The following CACNA1A variants were observed in gnomAD, a reference collection of about 807,000 sequenced individuals.
CACNA1A encodes voltage-dependent P/Q-type calcium channel subunit alpha-1A.
Under a neutral mutation model 262.4 loss-of-function variants are expected in CACNA1A, and 57 were observed. The observed-to-expected ratio is 0.22, with a 90% CI of 0.18 to 0.27. The LOEUF (loss-of-function observed/expected upper bound fraction) is 0.27, where lower values mean the gene tolerates loss of function less well. Among genes scored for constraint, CACNA1A ranks in the 10% least tolerant of loss-of-function variants. The pLI is 1.00. For missense variants in CACNA1A, 2,526 were observed against 3,562.8 expected, an observed-to-expected ratio of 0.71 and a Z score of 7.41; for synonymous variants, 1,431 against 1,419.3, an observed-to-expected ratio of 1.01 and a Z score of -0.18.
At chr19:13,457,988 C>T (rs906975202) in intron 1 of CACNA1A, among the ~76,000 whole-genome samples, 14 of 151,972 alleles carry the variant, frequency 9.2e-5, no homozygotes, top group Admixed American at 2.0e-4. Flanking sequence ...TGAAATATCC[C>T]GAACAGGCAA....
chr19:13,329,783 C>CT (rs148916478), intron 10 of CACNA1A, among the ~76,000 whole-genome samples: 1,596 of 138,950 alleles, frequency 0.011, 19 homozygotes, highest in Middle Eastern at 0.02. Flanking sequence ...CAGTTTGTGT[C>CT]TTTTTTTTTT....
intron 10 of CACNA1A, among the ~76,000 whole-genome samples, chr19:13,320,395 C>A (rs1443054810): frequency 6.6e-6 from 1 of 152,162 alleles, no homozygotes; most frequent in Admixed American, 6.6e-5. Context: ...TGGAGACAAC[C>A]ACACTTCCTA....
chr19:13,210,983 C>T (rs1390779718), intron 43 of CACNA1A: 6 of 409,068 alleles, frequency 1.5e-5, no homozygotes, highest in African/African-American at 6.0e-5. Flanking sequence ...TGGGCTCTGC[C>T]TCATGCGATG....
At chr19:13,453,111 T>G (rs2060944848) in intron 2 of CACNA1A, 96 bp from the exon 3 acceptor site, 2 of 1,283,118 alleles carry the variant, frequency 1.6e-6, no homozygotes, top group East Asian at 4.6e-5. Context: ...CCTATCACCC[T>G]CTCACTTCCC....
intron 44 of CACNA1A, among the ~76,000 whole-genome samples, chr19:13,209,933 GCCT>G (rs1228659426): frequency 6.6e-6 from 1 of 152,198 alleles, no homozygotes; most frequent in Admixed American, 6.5e-5. Context: ...AGGGTGAGAA[GCCT>G]CCGACTGTGG....
In CACNA1A at chr19:13,262,720, T is replaced by C; in HGVS notation, c.4089+14A>G. 6.6e-7 allele frequency: 1 copy of C among 1,517,976 alleles called. No homozygotes were observed. Among genetic ancestry groups the C allele is most frequent in the Non-Finnish European group, 9.1e-7 (1 of 1,094,976 alleles). 94.0% of individuals were successfully genotyped at this position (1,517,976 alleles called of 1,614,324 possible). A position where few individuals can be genotyped will look rare whatever the true frequency, so the allele number is the denominator to read the frequency against. ...CAGTCCCCCCCACCGCACCCCACCA[T>C]CTCCCAATCTCACCTTGAGCTTTGG... is the stretch of plus-strand genomic sequence containing the variant. On this transcript the variant is annotated intron_variant, in intron 25 of 46. Coordinates refer to ENST00000360228, the MANE Select transcript of CACNA1A (RefSeq NM_001127222.2).
At chr19:13,476,968 C>T (rs930998428) in intron 1 of CACNA1A, among the ~76,000 whole-genome samples, 1 of 152,104 alleles carries the variant, frequency 6.6e-6, no homozygotes, top group Non-Finnish European at 1.5e-5. Context: ...GCTCAAAAGC[C>T]CTCCGTGGCT....
chr19:13,299,434 T>C, intron 18 of CACNA1A, 81 bp from the exon 19 acceptor site: 1 of 1,163,894 alleles, frequency 8.6e-7, no homozygotes, highest in Non-Finnish European at 1.3e-6. Context: ...CCAACCCACA[T>C]CTCAGCCTCC....
chr19:13,207,602 CG>C lies in CACNA1A; in HGVS notation c.7231del (p.Arg2411GlyfsTer197). On this transcript the variant is annotated frameshift_variant, in exon 47 of 47. Transcript: ENST00000360228. LOFTEE classifies it high-confidence loss of function. This position sits in a 1 kb window ranked among gnomAD's most constrained non-coding sequence, Gnocchi z 5.7. Reference protein sequence around the residue: ...PPGPRHHGYYRGSDYDEADGP... With the variant: ...PPGPRHHGYYXGSDYDEADGP... ...ATCGGCCTCGTCGTAGTCGGAGCCC[CG>C]GTAGTAGCCATGGTGCCGGGGACCC... 1 of 1,482,114 alleles carries C rather than the reference CG, an allele frequency of 6.7e-7. No individual in the cohort carries two copies. Among genetic ancestry groups the C allele is most frequent in the Non-Finnish European group, 9.0e-7 (1 of 1,116,534 alleles). The allele number at this position is 1,482,114 out of a possible 1,614,324, so 91.8% of individuals were successfully genotyped here.
chr19:13,269,744 A>G (rs754112984), intron 24 of CACNA1A, among the ~76,000 whole-genome samples: 56 of 152,230 alleles, frequency 3.7e-4, no homozygotes, highest in Non-Finnish European at 7.2e-4. Flanking sequence ...TGGTAGACGC[A>G]TGGATACAAG....
chr19:13,309,194 G>A (rs2057966577), intron 12 of CACNA1A, among the ~76,000 whole-genome samples: 1 of 151,856 alleles, frequency 6.6e-6, no homozygotes, highest in South Asian at 2.1e-4. Context: ...ATTTTTAGTA[G>A]AGACGGGGTT....
At chr19:13,296,912 A>C (rs998466610) in intron 19 of CACNA1A, among the ~76,000 whole-genome samples, 2 of 151,924 alleles carry the variant, frequency 1.3e-5, no homozygotes, top group Non-Finnish European at 2.9e-5. Flanking sequence ...GGTGCATGCC[A>C]CCACATCTGT....
Position 13,482,286 on chromosome 19 carries a change from C to T in CACNA1A, c.293+23646G>A, listed in dbSNP as rs145985873. ...GGATCACGAGGTCAGGAGATCGAGACCATCCTGGCTAGCAGTGAAACCCCG... is the reference window on the plus strand; with the variant it reads ...GGATCACGAGGTCAGGAGATCGAGATCATCCTGGCTAGCAGTGAAACCCCG... On this transcript the variant is annotated intron_variant, in intron 1 of 46. Coordinates refer to ENST00000360228, the MANE Select transcript of CACNA1A (RefSeq NM_001127222.2). 1.9e-3 allele frequency among the ~76,000 whole-genome samples: 281 copies of T among 151,868 alleles called. 4 individuals carry two copies. The highest frequency in any genetic ancestry group is 6.6e-3 in the African/African-American group (274 of 41,394).
At chr19:13,396,236 C>T (rs780069815) in intron 3 of CACNA1A, among the ~76,000 whole-genome samples, 9 of 152,248 alleles carry the variant, frequency 5.9e-5, no homozygotes, top group Non-Finnish European at 1.3e-4. Context: ...CAGAGCTGAA[C>T]TTGAACTAAA....
At chr19:13,409,534 T>A (rs544707162) in intron 3 of CACNA1A, among the ~76,000 whole-genome samples, 1 of 151,992 alleles carries the variant, frequency 6.6e-6, no homozygotes, top group Non-Finnish European at 1.5e-5. Flanking sequence ...CAAATAATAA[T>A]AAGAAGAAGA....
chr19:13,263,213 G>T, intron 24 of CACNA1A: 1 of 217,220 alleles, frequency 4.6e-6, no homozygotes. Flanking sequence ...TGTCACCAAG[G>T]CTGGAGTGCA....
intron 38 of CACNA1A, among the ~76,000 whole-genome samples, chr19:13,220,482 C>A (rs1299147103): frequency 6.6e-6 from 1 of 152,178 alleles, no homozygotes; most frequent in Admixed American, 6.6e-5. Flanking sequence ...CCTACAGCCA[C>A]AAGGACTTCA....
At chr19:13,233,447 C>T (rs1164331391) in intron 34 of CACNA1A, among the ~76,000 whole-genome samples, 1 of 152,184 alleles carries the variant, frequency 6.6e-6, no homozygotes, top group Non-Finnish European at 1.5e-5. Context: ...ATGCAACTAT[C>T]ACCACTATCT....
chr19:13,293,848 C>T (rs922572243), intron 19 of CACNA1A, among the ~76,000 whole-genome samples: 26 of 151,616 alleles, frequency 1.7e-4, no homozygotes, highest in Admixed American at 6.6e-5. Context: ...GAGTGAAATT[C>T]TGAAAGTCAC....
Sources: allele counts gnomAD v4.1 joint callset (sites outside exome capture counted in the v4.1 genomes callset), GRCh38; gene constraint gnomAD v4.1.1; non-coding constraint Gnocchi (gnomAD v3.1); transcripts MANE v1.5; gene names NCBI Gene and HGNC (gene_info 2026-07-23, HGNC 2026-07-21).